The following TBC1D5 variants were observed in gnomAD, a reference collection of about 807,000 sequenced individuals.
TBC1D5 encodes the protein TBC1 domain family member 5.
Under a neutral mutation model 100.3 loss-of-function variants are expected in TBC1D5, and 75 were observed. The ratio of observed to expected loss-of-function variants is 0.75; its 90% CI spans 0.62 to 0.91. TBC1D5 has a LOEUF of 0.91. TBC1D5 is among the 40% of genes least tolerant of loss of function. The pLI is 0.00. For synonymous variants in TBC1D5, 323 were observed against 325.6 expected, an observed-to-expected ratio of 0.99 and a Z score of 0.09; for missense variants, 910 against 942.4, an observed-to-expected ratio of 0.97 and a Z score of 0.45.
chr3:17,455,442 ATATATATATGTGTGTG>A (rs1406281939), intron 3 of TBC1D5, among the ~76,000 whole-genome samples: 2 of 122,184 alleles, frequency 1.6e-5, no homozygotes, highest in East Asian at 4.3e-4. Flanking sequence ...ATGTGTGTGT[ATATATATATGTGTGTG>A]TATATATATG....
At chr3:17,192,697 G>A (rs994600245) in intron 18 of TBC1D5, among the ~76,000 whole-genome samples, 1 of 152,210 alleles carries the variant, frequency 6.6e-6, no homozygotes, top group Non-Finnish European at 1.5e-5. Context: ...TATCATTTCA[G>A]AACTGGAAAT....
chr3:17,464,758 T>C (rs1309220166), intron 3 of TBC1D5, among the ~76,000 whole-genome samples: 1 of 152,234 alleles, frequency 6.6e-6, no homozygotes, highest in Non-Finnish European at 1.5e-5. Flanking sequence ...AGCAATATTA[T>C]GTGATTCTTT....
chr3:17,674,979 A>C (rs974549153), intron 1 of TBC1D5, among the ~76,000 whole-genome samples: 3 of 152,144 alleles, frequency 2.0e-5, no homozygotes, highest in Non-Finnish European at 4.4e-5. Context: ...TGTTTTATGA[A>C]GCAAAATACT....
At chr3:17,621,872 T>C (rs760442952) in intron 2 of TBC1D5, among the ~76,000 whole-genome samples, 26 of 152,222 alleles carry the variant, frequency 1.7e-4, no homozygotes, top group Non-Finnish European at 2.8e-4. Flanking sequence ...GCCTATTCTT[T>C]ATTAGCAATT....
chr3:17,186,031 G>A (rs1410854308), intron 18 of TBC1D5, among the ~76,000 whole-genome samples: 5 of 148,284 alleles, frequency 3.4e-5, no homozygotes, highest in Admixed American at 1.3e-4. Flanking sequence ...GAAGATTATC[G>A]GAGTTTTTTT....
intron 9 of TBC1D5, among the ~76,000 whole-genome samples, chr3:17,382,536 C>T (rs558047739): frequency 9.9e-5 from 15 of 150,802 alleles, no homozygotes; most frequent in East Asian, 3.9e-4. Context: ...TCTATTTATT[C>T]GATTCTTGCT....
intron 3 of TBC1D5, among the ~76,000 whole-genome samples, chr3:17,486,897 G>C (rs2095575691): frequency 6.6e-6 from 1 of 152,166 alleles, no homozygotes; most frequent in Non-Finnish European, 1.5e-5. Flanking sequence ...CCTTTGTTTT[G>C]CCCAACTCAT....
At chr3:17,516,896 T>C (rs188788535) in intron 2 of TBC1D5, among the ~76,000 whole-genome samples, 2 of 152,284 alleles carry the variant, frequency 1.3e-5, no homozygotes, top group Non-Finnish European at 2.9e-5. Flanking sequence ...CTAAGTCTTC[T>C]TTCTATTCCT....
At chr3:17,670,096 C>T (rs2067765864) in intron 1 of TBC1D5, among the ~76,000 whole-genome samples, 1 of 152,138 alleles carries the variant, frequency 6.6e-6, no homozygotes, top group Non-Finnish European at 1.5e-5. Flanking sequence ...CTATGTTGGC[C>T]AGGCTGGTCT....
chr3:17,455,530 ATG>A (rs144088938), intron 3 of TBC1D5, among the ~76,000 whole-genome samples: 5 of 143,344 alleles, frequency 3.5e-5, no homozygotes, highest in South Asian at 2.1e-4. Context: ...ATATATATAT[ATG>A]TGTGTGTGTG....
chr3:17,678,556 C>A (rs1221368388), intron 1 of TBC1D5, among the ~76,000 whole-genome samples: 2 of 150,778 alleles, frequency 1.3e-5, no homozygotes, highest in Admixed American at 6.6e-5. Flanking sequence ...AGAAAAGACA[C>A]TAAGAAGCAA....
At chr3:17,638,655 C>T (rs903085072) in intron 1 of TBC1D5, among the ~76,000 whole-genome samples, 2 of 152,090 alleles carry the variant, frequency 1.3e-5, no homozygotes, top group Non-Finnish European at 2.9e-5. Context: ...AATAACCACA[C>T]AATAATGCAA....
At chr3:17,194,113 G>C (rs936237794) in intron 18 of TBC1D5, among the ~76,000 whole-genome samples, 1 of 152,166 alleles carries the variant, frequency 6.6e-6, no homozygotes, top group Non-Finnish European at 1.5e-5. Context: ...CAGGGGATGG[G>C]ATGCAGCTGG....
chr3:17,571,308 T>C (rs13080367), intron 2 of TBC1D5, among the ~76,000 whole-genome samples: 1,654 of 152,160 alleles, frequency 0.011, 10 homozygotes, highest in Middle Eastern at 0.041. Flanking sequence ...GATGCATACC[T>C]ATAATTGTCA....
At chr3:17,693,138 G>C (rs1489586346) in intron 1 of TBC1D5, among the ~76,000 whole-genome samples, 1 of 152,208 alleles carries the variant, frequency 6.6e-6, no homozygotes, top group Non-Finnish European at 1.5e-5. Flanking sequence ...AATAGGAACA[G>C]CTTCAGTCTG....
At chr3:17,363,653 T>A (rs936840939) in intron 13 of TBC1D5, among the ~76,000 whole-genome samples, 14 of 151,754 alleles carry the variant, frequency 9.2e-5, no homozygotes, top group Admixed American at 9.2e-4. Context: ...CCTCAAGATA[T>A]CTTCCCGCCA....
intron 1 of TBC1D5, among the ~76,000 whole-genome samples, chr3:17,716,240 A>G (rs750704316): frequency 1.7e-4 from 26 of 152,306 alleles, no homozygotes; most frequent in Admixed American, 1.0e-3. Flanking sequence ...TACTACCTCC[A>G]CTACAGCAAC....
intron 16 of TBC1D5, among the ~76,000 whole-genome samples, chr3:17,242,005 G>T (rs1048171086): frequency 6.6e-6 from 1 of 152,146 alleles, no homozygotes; most frequent in Non-Finnish European, 1.5e-5. Flanking sequence ...CTGGGAGGTT[G>T]GTTCCTCACA....
intron 4 of TBC1D5, among the ~76,000 whole-genome samples, chr3:17,413,215 T>A (rs1306439621): frequency 6.6e-6 from 1 of 152,186 alleles, no homozygotes; most frequent in Non-Finnish European, 1.5e-5. Flanking sequence ...AGGTTTCATT[T>A]CTCAGGCCAA....
Sources: allele counts gnomAD v4.1 joint callset (sites outside exome capture counted in the v4.1 genomes callset), GRCh38; gene constraint gnomAD v4.1.1; transcripts MANE v1.5; gene names NCBI Gene and HGNC (gene_info 2026-07-23, HGNC 2026-07-21).